AK9: variants seen among roughly 807,000 people sequenced by gnomAD.
AK9 encodes adenylate kinase 9.
A neutral mutation model predicts 239.6 loss-of-function variants in AK9; 191 were observed. That is an observed-to-expected ratio of 0.80 (90% CI 0.71 to 0.90). The LOEUF (loss-of-function observed/expected upper bound fraction) is 0.90, where lower values mean the gene tolerates loss of function less well. Ranked by LOEUF, AK9 falls within the 40% of genes least tolerant of loss-of-function variation. The probability of loss-of-function intolerance (pLI) is 0.00; values close to 1 mark genes in which losing one functional copy is unlikely to be tolerated. For synonymous variants in AK9, 689 were observed against 721.0 expected, an observed-to-expected ratio of 0.96 and a Z score of 0.71; for missense variants, 1,995 against 2,214.7, an observed-to-expected ratio of 0.90 and a Z score of 1.99.
chr6:109,493,427 A>G lies in AK9; in HGVS notation c.5678T>C (p.Phe1893Ser), dbSNP rs1440243714. The G allele has an allele frequency of 3.7e-6, 6 of 1,614,160 alleles. No homozygotes were observed. The highest frequency in any genetic ancestry group is 5.1e-6 in the Non-Finnish European group (6 of 1,180,042). ...YKEPQFRAID[F>S]DHKLKTFLSL... The stretch of plus-strand genomic sequence containing the variant: ...GAGAAAGGTCTTTAACTTATGATCA[A>G]AGTCAATGGCTCTGAACTGAGGTTC... Residue 1893 changes from phenylalanine (F) to serine (S), a missense_variant, in exon 41 of 41, where the codon TTT becomes TCT. Phe to Ser is a radical substitution (Grantham distance 155, BLOSUM62 -2). This residue lies in a region of AK9 where 391 missense variants were observed against 456.0 expected (regional missense o/e 0.86). Coordinates refer to ENST00000424296, the MANE Select transcript of AK9 (RefSeq NM_001145128.3).
In AK9 at chr6:109,607,033, G is replaced by C. The variant is rs184654361; in HGVS notation, c.1842+3332C>G. On this transcript the variant is annotated intron_variant, in intron 17 of 40. Coordinates refer to ENST00000424296, the MANE Select transcript of AK9 (RefSeq NM_001145128.3). ...GGACTGGATCATACATTAGGTCCAA[G>C]TGCATCAATCATATCTATTCTATAC... Among the ~76,000 whole-genome samples the C allele has an allele frequency of 2.1e-4, 32 of 152,196 alleles. No individual in the cohort carries two copies. The East Asian group carries it at 5.2e-3, about 25-fold the overall frequency.
At chr6:109,588,133 C>T (rs1036999180) in intron 17 of AK9, among the ~76,000 whole-genome samples, 3 of 151,452 alleles carry the variant, frequency 2.0e-5, no homozygotes, top group Non-Finnish European at 4.4e-5. Context: ...TGCAGTGGCG[C>T]GATCTCGACT....
At chr6:109,514,080 C>A (rs1450495301) in intron 32 of AK9, 144 bp downstream of exon 32, 3 of 780,428 alleles carry the variant, frequency 3.8e-6, no homozygotes, top group Middle Eastern at 3.1e-4. Context: ...TGGAGATTTC[C>A]TCCTGTCTCC....
intron 8 of AK9, among the ~76,000 whole-genome samples, chr6:109,647,340 A>T (rs1798208146): frequency 6.6e-6 from 1 of 152,162 alleles, no homozygotes; most frequent in Non-Finnish European, 1.5e-5. Flanking sequence ...TATTCAGGAG[A>T]CCCATCTCAC....
chr6:109,681,451 T>G (rs536603908), intron 1 of AK9, among the ~76,000 whole-genome samples: 78 of 152,146 alleles, frequency 5.1e-4, no homozygotes, highest in Non-Finnish European at 9.0e-4. Flanking sequence ...TAAAGCAAGT[T>G]CTTAGAGACC....
At chr6:109,527,290 C>G (rs1018416609) in intron 29 of AK9, among the ~76,000 whole-genome samples, 2 of 152,168 alleles carry the variant, frequency 1.3e-5, no homozygotes, top group African/African-American at 4.8e-5. Flanking sequence ...GCTAAAAAGA[C>G]AGTAAAGACA....
chr6:109,501,961 T>G (rs1777643829), intron 35 of AK9, among the ~76,000 whole-genome samples: 1 of 152,212 alleles, frequency 6.6e-6, no homozygotes, highest in South Asian at 2.1e-4. Flanking sequence ...CATAAAATTA[T>G]TGTCACTTAA....
intron 31 of AK9, among the ~76,000 whole-genome samples, chr6:109,515,253 A>G (rs1235461482): frequency 6.6e-6 from 1 of 152,150 alleles, no homozygotes; most frequent in Admixed American, 6.5e-5. Flanking sequence ...GTTCTCTTCT[A>G]TATTTTTGTG....
chr6:109,534,196 G>A (rs1204175430), intron 27 of AK9, among the ~76,000 whole-genome samples: 1 of 148,686 alleles, frequency 6.7e-6, no homozygotes, highest in Non-Finnish European at 1.5e-5. Flanking sequence ...CTCCAGCCTG[G>A]GAAACAAGAG....
intron 1 of AK9, among the ~76,000 whole-genome samples, chr6:109,685,510 A>AT (rs1773373530): frequency 6.6e-6 from 1 of 151,958 alleles, no homozygotes; most frequent in Admixed American, 6.6e-5. Context: ...GTTCTCACTC[A>AT]TAAGTGGGAG....
chr6:109,619,457 T>C (rs953775203), intron 12 of AK9, among the ~76,000 whole-genome samples: 38 of 152,134 alleles, frequency 2.5e-4, no homozygotes, highest in Non-Finnish European at 1.8e-4. Flanking sequence ...TATATGTCTA[T>C]ATATGTATTT....
intron 7 of AK9, among the ~76,000 whole-genome samples, chr6:109,658,311 T>C (rs187718073): frequency 1.0e-3 from 152 of 152,270 alleles, no homozygotes; most frequent in Middle Eastern, 3.4e-3. Flanking sequence ...CATTCAGCCA[T>C]TACACATCTT....
At position 109,534,604 on chromosome 6, in the gene AK9, A is replaced by T. The variant is rs572277065; in HGVS notation, c.3351-1134T>A. ...TATATTGGCCATAATATATATATAT[A>T]TTTTTATTTAATTATACTTTAAGTT... On this transcript the variant is annotated intron_variant, in intron 27 of 40. Coordinates refer to ENST00000424296, the MANE Select transcript of AK9 (RefSeq NM_001145128.3). 4.4e-4 allele frequency among the ~76,000 whole-genome samples: 67 copies of T among 151,184 alleles called. 1 individual carries two copies. The highest frequency in any genetic ancestry group is 4.4e-4 in the African/African-American group (18 of 41,370).
At position 109,612,011 on chromosome 6, in the gene AK9, T is replaced by C. The variant is rs1793641940; in HGVS notation, c.1692A>G (p.Thr564=). The C allele has an allele frequency of 1.3e-6, 2 of 1,497,462 alleles. No homozygotes were observed. Among genetic ancestry groups the C allele is most frequent in the East Asian group, 2.5e-5 (1 of 40,388 alleles). The allele number at this position is 1,497,462 out of a possible 1,614,324, so 92.8% of individuals were successfully genotyped here. The change falls in exon 16 of 41, where the codon ACA becomes ACG. Residue 564 remains threonine, a splice_region_variant and synonymous_variant. Transcript: ENST00000424296. Reference sequence around the variant, plus strand: ...CAAATTATACAAATATTAATTTACCTGTATCTGAATACAACTTTACATCTT... The same window carrying C: ...CAAATTATACAAATATTAATTTACCCGTATCTGAATACAACTTTACATCTT... ...ASQDVKLYSD[T]APTEDLIEEV...
At chr6:109,599,211 T>G (rs903762641) in intron 17 of AK9, among the ~76,000 whole-genome samples, 1 of 152,246 alleles carries the variant, frequency 6.6e-6, no homozygotes, top group Non-Finnish European at 1.5e-5. Context: ...GTTTTAGGTC[T>G]AACATTTAAG....
At chr6:109,502,390 C>T (rs557248290) in intron 35 of AK9, among the ~76,000 whole-genome samples, 10 of 152,196 alleles carry the variant, frequency 6.6e-5, no homozygotes, top group East Asian at 1.9e-4. Flanking sequence ...ACATGGAGAA[C>T]GCCATGTGAT....
At chr6:109,553,599 G>A (rs1387806483) in intron 24 of AK9, among the ~76,000 whole-genome samples, 1 of 152,064 alleles carries the variant, frequency 6.6e-6, no homozygotes, top group African/African-American at 2.4e-5. Flanking sequence ...AGAAGTTTTT[G>A]GGCTGAAATA....
At chr6:109,621,901 A>G (rs1159773250) in intron 12 of AK9, among the ~76,000 whole-genome samples, 2 of 102,880 alleles carry the variant, frequency 1.9e-5, no homozygotes, top group African/African-American at 6.4e-5. Flanking sequence ...ATTAAAAAAA[A>G]AAAAAAAAAA....
At chr6:109,564,890 T>C (rs1786266270) in intron 21 of AK9, 45 bp from the exon 22 acceptor site, 2 of 1,381,614 alleles carry the variant, frequency 1.4e-6, no homozygotes, top group African/African-American at 1.5e-5. Flanking sequence ...TTGAAAACAT[T>C]ATTCCTTTAT....
Sources: allele counts gnomAD v4.1 joint callset (sites outside exome capture counted in the v4.1 genomes callset), GRCh38; gene constraint gnomAD v4.1.1; regional missense constraint gnomAD v4.1.1; transcripts MANE v1.5; gene names NCBI Gene and HGNC (gene_info 2026-07-23, HGNC 2026-07-21).